ST7L: variants seen among roughly 807,000 people sequenced by gnomAD.
ST7L encodes the protein suppression of tumorigenicity 7 like, also known as suppressor of tumorigenicity 7 protein-like.
In ST7L, 57 loss-of-function variants were observed where a neutral mutation model predicts 72.5. That is an observed-to-expected ratio of 0.79 (90% CI 0.64 to 0.98). The LOEUF (loss-of-function observed/expected upper bound fraction) is 0.98, where lower values mean the gene tolerates loss of function less well. ST7L is among the 50% of genes least tolerant of loss of function. The probability of loss-of-function intolerance (pLI) is 0.00; values close to 1 mark genes in which losing one functional copy is unlikely to be tolerated. For synonymous variants in ST7L, 221 were observed against 240.9 expected, an observed-to-expected ratio of 0.92 and a Z score of 0.77; for missense variants, 576 against 672.2, an observed-to-expected ratio of 0.86 and a Z score of 1.58.
chr1:112,577,709 G>A (rs1663364279), intron 10 of ST7L, among the ~76,000 whole-genome samples: 1 of 152,020 alleles, frequency 6.6e-6, no homozygotes, highest in Non-Finnish European at 1.5e-5. Context: ...GATATCCAGA[G>A]AATCTCATGA....
At position 112,584,020 on chromosome 1, in the gene ST7L, G is replaced by A. The variant is rs1043768937; in HGVS notation, c.808C>T (p.Gln270Ter). The change falls in exon 7 of 15, where the codon CAG (glutamine) becomes TAG (stop). Residue 270 changes from glutamine (Q) to a stop codon, truncating the protein, a stop_gained. Coordinates refer to ENST00000358039, the MANE Select transcript of ST7L (RefSeq NM_017744.5). LOFTEE classifies it high-confidence loss of function. ...ALKAGETIYR[Q>*]SQQCQHQSPQ... ...CTTTGGTGCTGGCACTGCTGTGACT[G>A]CCTATAAATTGTTTCTCCTGCCTTG... 8 of 1,614,084 alleles carry A rather than the reference G, an allele frequency of 5.0e-6. No homozygotes were observed. Among genetic ancestry groups the A allele is most frequent in the Non-Finnish European group, 6.8e-6 (8 of 1,179,994 alleles).
chr1:112,526,739 C>T (rs895296029), intron 14 of ST7L: 4 of 121,386 alleles, frequency 3.3e-5, no homozygotes, highest in Non-Finnish European at 7.1e-5. Context: ...GACTCCGTCA[C>T]AAAAAAAAAA....
intron 14 of ST7L, chr1:112,540,675 A>T: frequency 2.5e-6 from 3 of 1,182,388 alleles, no homozygotes; most frequent in Non-Finnish European, 3.2e-6. Flanking sequence ...AAAGCCAACT[A>T]ATCTTTAAGG....
intron 11 of ST7L, among the ~76,000 whole-genome samples, chr1:112,570,560 TATATATATATAC>T (rs1452640141): frequency 1.4e-4 from 12 of 85,880 alleles, no homozygotes; most frequent in East Asian, 3.0e-4. Context: ...TATATATATA[TATATATATATAC>T]ACACACACAT....
chr1:112,608,932 C>T (rs1384058863), intron 3 of ST7L, among the ~76,000 whole-genome samples: 1 of 152,106 alleles, frequency 6.6e-6, no homozygotes, highest in Admixed American at 6.5e-5. Flanking sequence ...TAGTGGTAAG[C>T]TATTGAACAA....
chr1:112,574,007 A>G (rs1662623780), intron 11 of ST7L, among the ~76,000 whole-genome samples: 1 of 133,114 alleles, frequency 7.5e-6, no homozygotes, highest in Admixed American at 8.7e-5. Flanking sequence ...CTTCATCTCT[A>G]GGACTCAAGT....
intron 12 of ST7L, among the ~76,000 whole-genome samples, chr1:112,555,088 T>G (rs1239869941): frequency 6.6e-6 from 1 of 152,200 alleles, no homozygotes; most frequent in Non-Finnish European, 1.5e-5. Flanking sequence ...TGAATGTACA[T>G]AATGCCACTG....
intron 11 of ST7L, among the ~76,000 whole-genome samples, chr1:112,557,132 T>C (rs1659333795): frequency 1.3e-5 from 2 of 152,048 alleles, no homozygotes; most frequent in African/African-American, 4.8e-5. Context: ...CATTAAAGTA[T>C]ACAATTCGAG....
At chr1:112,540,985 T>C (rs1486897393) in intron 14 of ST7L, 1 of 623,560 alleles carries the variant, frequency 1.6e-6, no homozygotes, top group African/African-American at 2.0e-5. Context: ...AATAAGTTCA[T>C]ATAGAAAAGT....
chr1:112,579,636 G>A (rs1455232766), intron 9 of ST7L, among the ~76,000 whole-genome samples: 1 of 151,674 alleles, frequency 6.6e-6, no homozygotes, highest in African/African-American at 2.4e-5. Context: ...GGAACTGTAG[G>A]TAAATTAATT....
downstream of ST7L, among the ~76,000 whole-genome samples, chr1:112,519,616 G>A (rs796677348): frequency 6.6e-5 from 10 of 152,204 alleles, no homozygotes; most frequent in African/African-American, 2.4e-4. Flanking sequence ...TAAGGGGAAG[G>A]GATAATGCTT....
chr1:112,609,627 T>G (rs1570630573), intron 3 of ST7L, among the ~76,000 whole-genome samples: 1 of 151,582 alleles, frequency 6.6e-6, no homozygotes, highest in Non-Finnish European at 1.5e-5. Context: ...ATTGAGACCA[T>G]CCTGGCCAAT....
chr1:112,596,290 T>C (rs372222570), intron 5 of ST7L, among the ~76,000 whole-genome samples: 6 of 152,202 alleles, frequency 3.9e-5, no homozygotes, highest in South Asian at 4.1e-4. Flanking sequence ...TAAATCACTA[T>C]GAACTCATTT....
At chr1:112,568,887 T>TATAAAAA (rs1308318369) in intron 11 of ST7L, among the ~76,000 whole-genome samples, 1 of 131,558 alleles carries the variant, frequency 7.6e-6, no homozygotes, top group Non-Finnish European at 1.6e-5. Context: ...TATATATATA[T>TATAAAAA]AAAACAAAAA....
chr1:112,542,574 T>C (rs1052009175), intron 13 of ST7L, among the ~76,000 whole-genome samples: 1 of 151,798 alleles, frequency 6.6e-6, no homozygotes, highest in East Asian at 1.9e-4. Flanking sequence ...CTAAGCAAAA[T>C]CGTGCTTAAA....
At position 112,532,812 on chromosome 1, in the gene ST7L, T is replaced by C. The variant is rs566529664; in HGVS notation, c.1630-6701A>G. On this transcript the variant is annotated intron_variant, in intron 14 of 14. Transcript: ENST00000358039. Reference sequence around the variant, plus strand: ...ATTTTATGATTTCCTCAAATTCAGATAGAACACCCAATTAAAACCCAATAT... The same window carrying C: ...ATTTTATGATTTCCTCAAATTCAGACAGAACACCCAATTAAAACCCAATAT... Among the ~76,000 whole-genome samples, 14 of 152,316 alleles carry C rather than the reference T, an allele frequency of 9.2e-5. No individual in the cohort carries two copies. The South Asian group carries it at 2.5e-3, about 27-fold the overall frequency.
Position 112,616,913 on chromosome 1 carries a change from A to G in ST7L, c.206-18T>C. 6.4e-7 allele frequency: 1 copy of G among 1,573,098 alleles called. No individual in the cohort carries two copies. Among genetic ancestry groups the G allele is most frequent in the East Asian group, 2.3e-5 (1 of 44,420 alleles). ...TACAGTCACTGTCAAAAGAACAAGA[A>G]TCAAAGTTTTAAAAAATGCAAATTT... On this transcript the variant is annotated intron_variant, in intron 1 of 14. Coordinates refer to ENST00000358039, the MANE Select transcript of ST7L (RefSeq NM_017744.5).
At chr1:112,597,143 G>C (rs541573175) in intron 5 of ST7L, among the ~76,000 whole-genome samples, 1 of 152,184 alleles carries the variant, frequency 6.6e-6, no homozygotes, top group South Asian at 2.1e-4. Flanking sequence ...TTACTTCATA[G>C]AGGTTTAGAC....
At chr1:112,576,649 G>A (rs1663148185) in intron 11 of ST7L, among the ~76,000 whole-genome samples, 1 of 152,080 alleles carries the variant, frequency 6.6e-6, no homozygotes, top group Non-Finnish European at 1.5e-5. Flanking sequence ...CACAGTAACA[G>A]GAAATTTGAT....
Sources: allele counts gnomAD v4.1 joint callset (sites outside exome capture counted in the v4.1 genomes callset), GRCh38; gene constraint gnomAD v4.1.1; transcripts MANE v1.5; gene names NCBI Gene and HGNC (gene_info 2026-07-23, HGNC 2026-07-21).